UBA6: variants seen among roughly 807,000 people sequenced by gnomAD.
UBA6 encodes the protein ubiquitin like modifier activating enzyme 6.
A neutral mutation model predicts 148.3 loss-of-function variants in UBA6; 87 were observed. The ratio of observed to expected loss-of-function variants is 0.59; its 90% CI spans 0.49 to 0.70. The LOEUF (loss-of-function observed/expected upper bound fraction) is 0.70. Among genes scored for constraint, UBA6 ranks in the 30% least tolerant of loss-of-function variants. The pLI is 0.00. For missense variants in UBA6, 1,186 were observed against 1,241.2 expected (o/e 0.96, Z 0.67); for synonymous variants, 376 against 401.0 (o/e 0.94, Z 0.75).
chr4:67,632,270 A>G (rs1319007739), intron 23 of UBA6, among the ~76,000 whole-genome samples: 1 of 149,064 alleles, frequency 6.7e-6, no homozygotes, highest in Non-Finnish European at 1.5e-5. Flanking sequence ...ACAAAACCAG[A>G]AAAAACACAC....
In UBA6 at chr4:67,618,908, G is replaced by C; in HGVS notation, c.*89C>G. The C allele has an allele frequency of 7.8e-7, 1 of 1,278,192 alleles. No individual in the cohort carries two copies. 79.2% of individuals were successfully genotyped at this position (1,278,192 alleles called of 1,614,324 possible). A position where few individuals can be genotyped will look rare whatever the true frequency, so the allele number is the denominator to read the frequency against. On this transcript the variant is annotated 3_prime_UTR_variant, in exon 33 of 33. Transcript: ENST00000322244. Reference sequence around the variant, plus strand: ...AGGCTTAATGAAAGAGAAATCCATAGTATTATGAACTGATTTTCTTTAGCT... The same window carrying C: ...AGGCTTAATGAAAGAGAAATCCATACTATTATGAACTGATTTTCTTTAGCT...
intron 14 of UBA6, 49 bp from the exon 15 acceptor site, chr4:67,646,840 C>T (rs1472350510): frequency 8.0e-7 from 1 of 1,245,300 alleles, no homozygotes; most frequent in East Asian, 2.8e-5. Context: ...AAACAAATTA[C>T]TATAAAAAGA....
At position 67,624,246 on chromosome 4, in the gene UBA6, A is replaced by C; in HGVS notation, c.2720T>G (p.Leu907Trp). ...TTATVSGLVA[L>W]EMIKVTGGYP... ...GCCACCAGTTACTTTGATCATCTCCAAGGCAACCTAGATAAAAGAAGGTGA... is the reference window on the plus strand; with the variant it reads ...GCCACCAGTTACTTTGATCATCTCCCAGGCAACCTAGATAAAAGAAGGTGA... The change falls in exon 30 of 33, where the codon TTG becomes TGG. Residue 907 changes from leucine to tryptophan, a missense_variant. By Grantham distance (61) the Leu-to-Trp change is moderately conservative. Transcript: ENST00000322244. 6.3e-7 allele frequency: 1 copy of C among 1,599,546 alleles called. No homozygotes were observed. The highest frequency in any genetic ancestry group is 8.5e-7 in the Non-Finnish European group (1 of 1,175,418).
chr4:67,641,416 T>C (rs1355903319), intron 17 of UBA6, among the ~76,000 whole-genome samples, 188 bp from the exon 18 acceptor site: 3 of 152,210 alleles, frequency 2.0e-5, no homozygotes, highest in African/African-American at 2.4e-5. Flanking sequence ...TAATTGTAAT[T>C]AATGTTTTAC....
rs1728974377 is a variant in UBA6, at chr4:67,630,570, G to A, written c.2259-35C>T. Reference sequence around the variant, plus strand: ...TTAAAAAATAAAGCAAAATTTGAATGTACAGTTTTAAAGACGATATTTAAC... The same window carrying A: ...TTAAAAAATAAAGCAAAATTTGAATATACAGTTTTAAAGACGATATTTAAC... On this transcript the variant is annotated intron_variant, in intron 25 of 32. Transcript: ENST00000322244. 2.8e-6 allele frequency: 4 copies of A among 1,419,934 alleles called. No homozygotes were observed. The African/African-American group carries it at 5.7e-5, about 20-fold the overall frequency. The allele number at this position is 1,419,934 out of a possible 1,614,324, so 88.0% of individuals were successfully genotyped here.
At position 67,668,694 on chromosome 4, in the gene UBA6, A is replaced by G; in HGVS notation, c.670-20T>C. The stretch of plus-strand genomic sequence containing the variant: ...ATTTGCCTAAAAATAAGAGTAATCT[A>G]TTAAAAAAGAACTTCTTTTTTGTAT... On this transcript the variant is annotated intron_variant, in intron 8 of 32. Transcript: ENST00000322244. 1 of 1,595,642 alleles carries G rather than the reference A, an allele frequency of 6.3e-7. No individual in the cohort carries two copies. Among genetic ancestry groups the G allele is most frequent in the Admixed American group, 1.8e-5 (1 of 56,668 alleles).
At chr4:67,631,825 C>A in intron 24 of UBA6, 32 bp downstream of exon 24, 1 of 1,608,670 alleles carries the variant, frequency 6.2e-7, no homozygotes, top group South Asian at 1.1e-5. Flanking sequence ...TAATAAATGT[C>A]ATTAAAATTT....
At chr4:67,649,556 T>C (rs1729503799) in intron 13 of UBA6, among the ~76,000 whole-genome samples, 2 of 152,208 alleles carry the variant, frequency 1.3e-5, no homozygotes. Context: ...ACAGATTTTT[T>C]TTAATTTAAA....
chr4:67,667,114 G>A (rs191880400), intron 9 of UBA6, among the ~76,000 whole-genome samples: 94 of 152,056 alleles, frequency 6.2e-4, no homozygotes, highest in African/African-American at 2.1e-3. Context: ...TATACAAGCA[G>A]CCTCATAATG....
intron 11 of UBA6, 66 bp from the exon 12 acceptor site, chr4:67,663,281 A>C (rs1729909796): frequency 2.0e-6 from 2 of 992,024 alleles, no homozygotes; most frequent in Non-Finnish European, 1.5e-6. Flanking sequence ...CACTGGGCTA[A>C]ATACTTTTAA....
intron 23 of UBA6, 105 bp from the exon 24 acceptor site, chr4:67,632,013 T>C: frequency 9.6e-7 from 1 of 1,038,838 alleles, no homozygotes; most frequent in Non-Finnish European, 1.4e-6. Context: ...TGCACATGAT[T>C]CAAAAATCAA....
chr4:67,681,514 C>CAA, intron 4 of UBA6, 49 bp downstream of exon 4: 2 of 1,257,996 alleles, frequency 1.6e-6, no homozygotes, highest in Non-Finnish European at 1.1e-6. Flanking sequence ...ACAAATGAGC[C>CAA]AAAAAAAAAG....
intron 6 of UBA6, among the ~76,000 whole-genome samples, chr4:67,675,309 C>T (rs996950306): frequency 4.3e-4 from 65 of 152,314 alleles, no homozygotes; most frequent in African/African-American, 1.4e-3. Context: ...TTCTTTATCA[C>T]ATCTGCCTGG....
chr4:67,678,545 A>G lies in UBA6; in HGVS notation c.259-12T>C. On this transcript the variant is annotated splice_polypyrimidine_tract_variant and intron_variant, in intron 4 of 32. Coordinates refer to ENST00000322244, the MANE Select transcript of UBA6 (RefSeq NM_018227.6). ...TGAATTGTAACTGCCTTCAAAAAAG[A>G]AAAAAGTATTGGTTGAAGTCAGGAG... 6.4e-6 allele frequency: 10 copies of G among 1,553,860 alleles called. No homozygotes were observed. Among genetic ancestry groups the G allele is most frequent in the Non-Finnish European group, 8.8e-6 (10 of 1,135,878 alleles).
intron 6 of UBA6, among the ~76,000 whole-genome samples, 190 bp downstream of exon 6, chr4:67,677,421 T>G (rs1730308925): frequency 6.6e-6 from 1 of 152,226 alleles, no homozygotes; most frequent in Non-Finnish European, 1.5e-5. Flanking sequence ...TATAACTACT[T>G]TGTCAGTAGT....
chr4:67,673,409 C>G (rs1459422232), intron 7 of UBA6, among the ~76,000 whole-genome samples: 8 of 131,800 alleles, frequency 6.1e-5, no homozygotes, highest in African/African-American at 2.4e-4. Flanking sequence ...GAATGAGACT[C>G]TGTCTCGGGA....
intron 23 of UBA6, among the ~76,000 whole-genome samples, chr4:67,632,930 T>C (rs373614436): frequency 6.6e-6 from 1 of 152,186 alleles, no homozygotes; most frequent in Non-Finnish European, 1.5e-5. Flanking sequence ...TATATTTAAC[T>C]GGAGGTAAGA....
intron 13 of UBA6, among the ~76,000 whole-genome samples, chr4:67,653,729 A>G (rs1448492437): frequency 1.3e-5 from 2 of 152,202 alleles, no homozygotes; most frequent in Admixed American, 1.3e-4. Flanking sequence ...TGGTAATAAC[A>G]AACTTCTCCG....
chr4:67,664,377 A>G (rs1177752961), intron 10 of UBA6, among the ~76,000 whole-genome samples: 1 of 152,120 alleles, frequency 6.6e-6, no homozygotes, highest in Admixed American at 6.5e-5. Context: ...CCAATTAAAA[A>G]TTGGAGACAA....
Sources: allele counts gnomAD v4.1 joint callset (sites outside exome capture counted in the v4.1 genomes callset), GRCh38; gene constraint gnomAD v4.1.1; transcripts MANE v1.5; gene names NCBI Gene and HGNC (gene_info 2026-07-23, HGNC 2026-07-21).